Variants in PRH1 observed in about 807,000 individuals in gnomAD.
PRH1 encodes proline rich protein HaeIII subfamily 1, also known as salivary acidic proline-rich phosphoprotein 1/2.
A neutral mutation model predicts 7.9 loss-of-function variants in PRH1; 7 were observed. The observed-to-expected ratio is 0.89, with a 90% CI of 0.50 to 1.67. The LOEUF is 1.67. Ranked by LOEUF, PRH1 falls within the 40% of genes most tolerant of loss-of-function variation. PRH1 has a pLI of 0.00. For missense variants in PRH1, 109 were observed against 223.6 expected, an observed-to-expected ratio of 0.49 and a Z score of 3.27; for synonymous variants, 45 against 80.8, an observed-to-expected ratio of 0.56 and a Z score of 2.38.
chr12:10,939,551 G>GTTTTTTTTT (rs60186756), intron 2 of PRH1, among the ~76,000 whole-genome samples: 92 of 123,282 alleles, frequency 7.5e-4, no homozygotes, highest in African/African-American at 9.2e-4. Flanking sequence ...TGGTTTGTGT[G>GTTTTTTTTT]TTTTTTTTTT....
chr12:11,113,855 G>C (rs952006208), intron 1 of PRH1, among the ~76,000 whole-genome samples: 2 of 152,168 alleles, frequency 1.3e-5, no homozygotes, highest in African/African-American at 4.8e-5. Flanking sequence ...GATATGAGCA[G>C]ACACTTCTCA....
intron 1 of PRH1, among the ~76,000 whole-genome samples, chr12:11,038,961 G>A (rs1180981839): frequency 3.3e-5 from 5 of 152,124 alleles, no homozygotes; most frequent in Non-Finnish European, 5.9e-5. Flanking sequence ...TACTTATACT[G>A]GAGATATTTC....
intron 1 of PRH1, among the ~76,000 whole-genome samples, chr12:10,993,811 G>A (rs775089028): frequency 7.2e-5 from 11 of 152,132 alleles, no homozygotes; most frequent in Non-Finnish European, 1.5e-4. Flanking sequence ...ATTCAAACCC[G>A]CTAGAGGCAT....
intron 1 of PRH1, among the ~76,000 whole-genome samples, chr12:11,153,733 G>C (rs894283517): frequency 6.6e-6 from 1 of 152,056 alleles, no homozygotes; most frequent in Non-Finnish European, 1.5e-5. Context: ...CAAATGACAA[G>C]ATACAAAATG....
At chr12:11,103,393 C>T (rs113264533) in intron 1 of PRH1, among the ~76,000 whole-genome samples, 2,343 of 152,088 alleles carry the variant, frequency 0.015, 18 homozygotes, top group South Asian at 0.031. Flanking sequence ...CTTGTAGGGA[C>T]GTGGATGAAG....
At chr12:11,014,848 T>G (rs1247019478) in intron 1 of PRH1, among the ~76,000 whole-genome samples, 1 of 152,122 alleles carries the variant, frequency 6.6e-6, no homozygotes, top group South Asian at 2.1e-4. Flanking sequence ...CAGTAGATAG[T>G]TAGTCAGGCA....
chr12:11,170,337 G>T (rs1324825995), intron 1 of PRH1, among the ~76,000 whole-genome samples: 1 of 152,290 alleles, frequency 6.6e-6, no homozygotes, highest in South Asian at 2.1e-4. Context: ...ACGAGGTCAG[G>T]AGATCGAGAC....
chr12:11,072,490 C>T (rs1448281562), intron 1 of PRH1, among the ~76,000 whole-genome samples: 1 of 152,330 alleles, frequency 6.6e-6, no homozygotes, highest in African/African-American at 2.4e-5. Context: ...GCGAAGCCTG[C>T]GAAATTCTCC....
chr12:11,131,927 T>C (rs1946355156), intron 1 of PRH1, among the ~76,000 whole-genome samples: 1 of 152,214 alleles, frequency 6.6e-6, no homozygotes, highest in Non-Finnish European at 1.5e-5. Context: ...CATCTATTCC[T>C]TGTGCTGGGT....
At chr12:10,939,347 A>C in intron 2 of PRH1, 2 of 557,484 alleles carry the variant, frequency 3.6e-6, no homozygotes, top group Non-Finnish European at 6.0e-6. Context: ...ACCAGCAACC[A>C]TCCAGATTTG....
intron 1 of PRH1, among the ~76,000 whole-genome samples, chr12:11,129,206 C>A (rs972093180): frequency 1.3e-5 from 2 of 152,302 alleles, no homozygotes; most frequent in Non-Finnish European, 2.9e-5. Context: ...TGAGCCATCA[C>A]ATCCAGCCCG....
chr12:10,900,565 C>T (rs1172305972), intron 2 of PRH1, among the ~76,000 whole-genome samples: 2 of 152,128 alleles, frequency 1.3e-5, no homozygotes, highest in African/African-American at 2.4e-5. Context: ...TCCCCCATCA[C>T]AGGCCTGGGG....
chr12:10,912,693 A>G (rs1949917454), intron 2 of PRH1, among the ~76,000 whole-genome samples: 1 of 151,954 alleles, frequency 6.6e-6, no homozygotes, highest in African/African-American at 2.4e-5. Flanking sequence ...ATATTTTATT[A>G]TACTTAATTT....
chr12:10,955,986 A>G (rs1937936036), intron 2 of PRH1, among the ~76,000 whole-genome samples: 1 of 152,170 alleles, frequency 6.6e-6, no homozygotes. Context: ...ATAGATTCTC[A>G]GCAGAATTCC....
intron 1 of PRH1, among the ~76,000 whole-genome samples, chr12:11,105,227 A>G (rs959649477): frequency 1.9e-4 from 29 of 152,150 alleles, no homozygotes; most frequent in African/African-American, 6.5e-4. Flanking sequence ...AAAAGAGTCT[A>G]TAAGTTTAAT....
chr12:10,973,333 C>A (rs1162288187), intron 2 of PRH1: 1 of 211,438 alleles, frequency 4.7e-6, no homozygotes, highest in East Asian at 9.7e-5. Context: ...AATAAGACTC[C>A]AACCTTGGAT....
At chr12:10,993,278 C>A (rs1940032113) in intron 1 of PRH1, among the ~76,000 whole-genome samples, 1 of 152,188 alleles carries the variant, frequency 6.6e-6, no homozygotes, top group African/African-American at 2.4e-5. Flanking sequence ...AGAACAAAAG[C>A]ACTGCTTCAC....
intron 2 of PRH1, among the ~76,000 whole-genome samples, chr12:10,958,772 T>G (rs1312296295): frequency 6.6e-6 from 1 of 152,108 alleles, no homozygotes; most frequent in African/African-American, 2.4e-5. Context: ...CCAGTGTTGT[T>G]AGCATGGGAT....
intron 2 of PRH1, chr12:10,909,297 A>G: frequency 6.2e-7 from 1 of 1,605,520 alleles, no homozygotes; most frequent in Non-Finnish European, 8.5e-7. Context: ...GGCACTTTCC[A>G]TGTCAGAACA....
Sources: allele counts gnomAD v4.1 joint callset (sites outside exome capture counted in the v4.1 genomes callset), GRCh38; gene constraint gnomAD v4.1.1; transcripts MANE v1.5; gene names NCBI Gene and HGNC (gene_info 2026-07-23, HGNC 2026-07-21).